The following SERPINB10 variants were observed in gnomAD, a reference collection of about 807,000 sequenced individuals.
The protein encoded by SERPINB10 is serpin family B member 10.
Under a neutral mutation model 39.1 loss-of-function variants are expected in SERPINB10, and 35 were observed. The ratio of observed to expected loss-of-function variants is 0.90; its 90% confidence interval spans 0.68 to 1.19. The LOEUF (loss-of-function observed/expected upper bound fraction) is 1.19, where lower values mean the gene tolerates loss of function less well. Ranked by LOEUF, SERPINB10 falls within the 50% of genes most tolerant of loss-of-function variation. SERPINB10 has a pLI of 0.00. For missense variants in SERPINB10, 546 were observed against 460.5 expected (o/e 1.19, Z -1.70); for synonymous variants, 190 against 158.1 (o/e 1.20, Z -1.52).
chr18:63,922,707 A>G (rs1367548109), intron 5 of SERPINB10, among the ~76,000 whole-genome samples: 2 of 151,942 alleles, frequency 1.3e-5, no homozygotes, highest in Non-Finnish European at 2.9e-5. Context: ...GTACATAACA[A>G]AATCCAGGTG....
intron 6 of SERPINB10, among the ~76,000 whole-genome samples, chr18:63,932,154 G>A (rs140261040): frequency 6.6e-6 from 1 of 152,198 alleles, no homozygotes; most frequent in African/African-American, 2.4e-5. Context: ...TTCACCTATT[G>A]AAGCACATCT....
chr18:63,910,913 C>T lies in SERPINB10; in HGVS notation c.-10+2873C>T, dbSNP rs550573994. ...ATAGTAGCTGATCTAATTTACATTT[C>T]CATCAACAGTGTACCCTTTTCTCCA... On this transcript the variant is annotated intron_variant, in intron 1 of 7. Coordinates refer to ENST00000238508, the MANE Select transcript of SERPINB10 (RefSeq NM_005024.3). 1.2e-4 allele frequency among the ~76,000 whole-genome samples: 18 copies of T among 152,070 alleles called. No homozygotes were observed. In the East Asian group the frequency reaches 3.1e-3, roughly 26 times the overall value.
chr18:63,913,509 C>A (rs957378922), intron 1 of SERPINB10, among the ~76,000 whole-genome samples: 1 of 151,862 alleles, frequency 6.6e-6, no homozygotes, highest in East Asian at 1.9e-4. Context: ...TTGATTTCTG[C>A]GGTAATTTCA....
intron 1 of SERPINB10, among the ~76,000 whole-genome samples, chr18:63,909,085 T>G (rs2050045844): frequency 6.6e-6 from 1 of 152,032 alleles, no homozygotes; most frequent in African/African-American, 2.4e-5. Context: ...AACACTGATG[T>G]GCTAGGGGCA....
intron 4 of SERPINB10, among the ~76,000 whole-genome samples, chr18:63,919,502 C>T (rs2050130568): frequency 6.6e-6 from 1 of 151,814 alleles, no homozygotes; most frequent in African/African-American, 2.4e-5. Context: ...CATTTCAAGG[C>T]ATGGATAAAA....
intron 5 of SERPINB10, among the ~76,000 whole-genome samples, chr18:63,927,887 T>C (rs1312669605): frequency 1.3e-5 from 2 of 152,098 alleles, no homozygotes; most frequent in Admixed American, 1.3e-4. Context: ...ATACTAGGTA[T>C]ATGCCAGCTT....
rs1408968914 is a variant in SERPINB10, at chr18:63,934,864, G to A, written c.816G>A (p.Lys272=). The change falls in exon 8 of 8, where the codon AAG becomes AAA. Residue 272 remains lysine, a synonymous_variant. Coordinates refer to ENST00000238508, the MANE Select transcript of SERPINB10 (RefSeq NM_005024.3). The part of the protein sequence containing the change: ...EQLEKAITYE[K]LNEWTSADMM... ...TGGAAAAGGCCATCACCTATGAGAA[G>A]CTGAATGAGTGGACCAGTGCAGACA... 1 of 1,610,104 alleles carries A rather than the reference G, an allele frequency of 6.2e-7. No individual in the cohort carries two copies.
At position 63,928,342 on chromosome 18, in the gene SERPINB10, G is replaced by A. The variant is rs111883451; in HGVS notation, c.491-1703G>A. 2.4e-4 allele frequency among the ~76,000 whole-genome samples: 37 copies of A among 152,074 alleles called. 1 individual carries two copies. Among genetic ancestry groups the A allele is most frequent in the African/African-American group, 8.2e-4 (34 of 41,502 alleles). On this transcript the variant is annotated intron_variant, in intron 5 of 7. Coordinates refer to ENST00000238508, the MANE Select transcript of SERPINB10 (RefSeq NM_005024.3). ...AGAGCAAACCTATAATACCTGATTC[G>A]AGAGATATATATTTGACGTATTTTT...
chr18:63,930,247 T>C (rs1180531542), intron 6 of SERPINB10, 60 bp downstream of exon 6: 2 of 1,544,286 alleles, frequency 1.3e-6, no homozygotes, highest in Non-Finnish European at 1.8e-6. Flanking sequence ...GTGATTCTCT[T>C]ATAAATTCAC....
intron 5 of SERPINB10, among the ~76,000 whole-genome samples, chr18:63,924,409 AG>A (rs1398944066): frequency 6.6e-6 from 1 of 151,974 alleles, no homozygotes; most frequent in Non-Finnish European, 1.5e-5. Flanking sequence ...GCTGGTACCC[AG>A]GGAGGTATAG....
intron 1 of SERPINB10, among the ~76,000 whole-genome samples, chr18:63,913,687 G>A (rs999096313): frequency 2.6e-5 from 4 of 151,934 alleles, no homozygotes; most frequent in African/African-American, 9.7e-5. Context: ...CTTTATGGCT[G>A]AGCATGTAAT....
At chr18:63,921,803 T>G (rs1417441855) in intron 5 of SERPINB10, among the ~76,000 whole-genome samples, 1 of 151,900 alleles carries the variant, frequency 6.6e-6, no homozygotes, top group Non-Finnish European at 1.5e-5. Flanking sequence ...TGTCACTCCC[T>G]GGATTAAAAT....
intron 1 of SERPINB10, among the ~76,000 whole-genome samples, chr18:63,910,299 T>C (rs28718007): frequency 0.21 from 31,604 of 151,970 alleles, 3,392 homozygotes; most frequent in Admixed American, 0.3. Flanking sequence ...TTTTATTTTT[T>C]AAATAATTTC....
At chr18:63,918,455 G>A (rs1016647367) in intron 4 of SERPINB10, among the ~76,000 whole-genome samples, 3 of 151,928 alleles carry the variant, frequency 2.0e-5, no homozygotes, top group Non-Finnish European at 4.4e-5. Context: ...ACAGACTTTG[G>A]GAACATGAAA....
rs965336302 is a variant in SERPINB10, at chr18:63,912,073, G to A, written c.-9-3429G>A. 7.9e-5 allele frequency among the ~76,000 whole-genome samples: 12 copies of A among 151,578 alleles called. No homozygotes were observed. In the East Asian group the frequency reaches 2.3e-3, roughly 29 times the overall value. Reference sequence around the variant, plus strand: ...TAAATGGAATTGTAGTCTTGAGTTGGCTCCCTGTTTGAATGTTATTGGTAT... The same window carrying A: ...TAAATGGAATTGTAGTCTTGAGTTGACTCCCTGTTTGAATGTTATTGGTAT... On this transcript the variant is annotated intron_variant, in intron 1 of 7. Coordinates refer to ENST00000238508, the MANE Select transcript of SERPINB10 (RefSeq NM_005024.3).
intron 5 of SERPINB10, among the ~76,000 whole-genome samples, chr18:63,923,218 G>A (rs983924705): frequency 6.6e-6 from 1 of 151,966 alleles, no homozygotes; most frequent in Non-Finnish European, 1.5e-5. Context: ...GAATTGTCTA[G>A]AGAGGGAGAA....
intron 5 of SERPINB10, among the ~76,000 whole-genome samples, chr18:63,920,551 G>A (rs968836136): frequency 6.6e-6 from 1 of 152,006 alleles, no homozygotes; most frequent in Admixed American, 6.6e-5. Flanking sequence ...ACAATAGCCA[G>A]TTGTAGTAGC....
At chr18:63,929,712 C>CAAAAA (rs74169990) in intron 5 of SERPINB10, among the ~76,000 whole-genome samples, 21 of 97,332 alleles carry the variant, frequency 2.2e-4, no homozygotes, top group Admixed American at 3.0e-4. Context: ...AGCTAAAGTG[C>CAAAAA]AAAAAAAAAA....
At chr18:63,911,690 T>C (rs747523102) in intron 1 of SERPINB10, among the ~76,000 whole-genome samples, 1 of 152,058 alleles carries the variant, frequency 6.6e-6, no homozygotes, top group Non-Finnish European at 1.5e-5. Context: ...GCTTATAGTG[T>C]AGTTTGAAGT....
Sources: allele counts gnomAD v4.1 joint callset (sites outside exome capture counted in the v4.1 genomes callset), GRCh38; gene constraint gnomAD v4.1.1; transcripts MANE v1.5; gene names NCBI Gene and HGNC (gene_info 2026-07-23, HGNC 2026-07-21).